PTP4A1: variants seen among roughly 807,000 people sequenced by gnomAD.
The protein encoded by PTP4A1 is protein tyrosine phosphatase 4A1.
PTP4A1 carries 9 observed loss-of-function variants against 20.5 expected under a neutral mutation model. The observed-to-expected ratio is 0.44, with a 90% CI of 0.26 to 0.77. The LOEUF (loss-of-function observed/expected upper bound fraction) is 0.77, where lower values mean the gene tolerates loss of function less well. PTP4A1 is among the 30% of genes least tolerant of loss of function. PTP4A1 has a pLI of 0.19. For missense variants in PTP4A1, 137 were observed against 218.8 expected (o/e 0.63, Z 2.36); for synonymous variants, 78 against 67.4 (o/e 1.16, Z -0.77).
upstream of PTP4A1, among the ~76,000 whole-genome samples, chr6:63,516,837 C>T (rs550801654): frequency 5.3e-5 from 8 of 152,282 alleles, no homozygotes; most frequent in South Asian, 1.5e-3. Context: ...AAGGCAGAAG[C>T]TCCAACAGTT....
At chr6:63,554,277 C>T (rs995117233) in intron 3 of PTP4A1, among the ~76,000 whole-genome samples, 10 of 152,278 alleles carry the variant, frequency 6.6e-5, no homozygotes, top group Middle Eastern at 3.4e-3. Context: ...CTCTCTTAAA[C>T]CTCAAAGTAT....
At chr6:63,579,406 A>G in intron 5 of PTP4A1, 75 bp downstream of exon 5, 1 of 1,039,236 alleles carries the variant, frequency 9.6e-7, no homozygotes, top group South Asian at 1.7e-5. Flanking sequence ...TAATAGTCTA[A>G]TAGCCCATTT....
upstream of PTP4A1, chr6:63,572,431 G>A (rs1777496370): frequency 2.7e-6 from 1 of 369,316 alleles, no homozygotes; most frequent in Non-Finnish European, 4.8e-6. Context: ...GTGGCTGGAG[G>A]GTTGCACGTC....
intron 3 of PTP4A1, among the ~76,000 whole-genome samples, chr6:63,558,468 A>G (rs1228868761): frequency 6.6e-6 from 1 of 152,208 alleles, no homozygotes; most frequent in African/African-American, 2.4e-5. Flanking sequence ...TAAGATTGCC[A>G]TGTCTGTGGC....
intron 1 of PTP4A1, among the ~76,000 whole-genome samples, chr6:63,523,208 T>TCAAAAA (rs1775011634): frequency 6.6e-6 from 1 of 152,088 alleles, no homozygotes; most frequent in Non-Finnish European, 1.5e-5. Flanking sequence ...TTACGAGTCA[T>TCAAAAA]CAAAAACAAC....
chr6:63,578,942 T>C lies in PTP4A1; in HGVS notation c.243T>C (p.Val81=). 6.2e-7 allele frequency: 1 copy of C among 1,602,624 alleles called. No homozygotes were observed. The highest frequency in any genetic ancestry group is 8.5e-7 in the Non-Finnish European group (1 of 1,175,630). ...GTGCACCACCATCCAACCAGATTGT[T>C]GATGACTGGTTAAGTCTTGTGAAAA... is the stretch of plus-strand genomic sequence containing the variant. ...DDGAPPSNQI[V]DDWLSLVKIK... is the part of the protein sequence containing the mutation. The change falls in exon 4 of 6, where the codon GTT becomes GTC. Residue 81 remains valine, a synonymous_variant. Coordinates refer to ENST00000626021, the MANE Select transcript of PTP4A1 (RefSeq NM_003463.5).
intron 2 of PTP4A1, among the ~76,000 whole-genome samples, chr6:63,535,614 A>C (rs1261727289): frequency 1.3e-5 from 2 of 152,236 alleles, no homozygotes; most frequent in Non-Finnish European, 2.9e-5. Flanking sequence ...GAGGTATCGA[A>C]TGTTAATAAA....
At chr6:63,552,113 G>A (rs1392118272) in intron 3 of PTP4A1, among the ~76,000 whole-genome samples, 2 of 152,232 alleles carry the variant, frequency 1.3e-5, no homozygotes, top group South Asian at 4.1e-4. Flanking sequence ...CTGAGGAATC[G>A]CCACACTGAC....
rs545892823 is a variant in PTP4A1, at chr6:63,580,907, A to G, written c.*733A>G. ...ATTTAATGTTTGCACTCTGAGGTGCAACTTAACAGGGAGGGCCTGAGAAAA... is the reference window on the plus strand; with the variant it reads ...ATTTAATGTTTGCACTCTGAGGTGCGACTTAACAGGGAGGGCCTGAGAAAA... On this transcript the variant is annotated 3_prime_UTR_variant, in exon 6 of 6. Transcript: ENST00000626021. 1.3e-5 allele frequency: 2 copies of G among 152,726 alleles called. No homozygotes were observed. Among genetic ancestry groups the G allele is most frequent in the East Asian group, 3.9e-4 (2 of 5,194 alleles). The allele number at this position is 152,726 out of a possible 1,614,324, so 9.5% of individuals were successfully genotyped here.
intron 1 of PTP4A1, among the ~76,000 whole-genome samples, chr6:63,575,173 G>A (rs189494195): frequency 2.7e-3 from 415 of 152,308 alleles, no homozygotes; most frequent in Non-Finnish European, 4.3e-3. Context: ...GGAGCAGATC[G>A]TTTGAATTTT....
chr6:63,540,363 G>A (rs1775906325), intron 2 of PTP4A1, among the ~76,000 whole-genome samples: 2 of 152,174 alleles, frequency 1.3e-5, no homozygotes, highest in Non-Finnish European at 2.9e-5. Context: ...GGTCACACCT[G>A]TAATCCCAGC....
chr6:63,523,966 A>C (rs1276055573), intron 1 of PTP4A1, among the ~76,000 whole-genome samples: 1 of 152,146 alleles, frequency 6.6e-6, no homozygotes, highest in Non-Finnish European at 1.5e-5. Context: ...AAATATTAAA[A>C]AGGTAGAATT....
chr6:63,580,080 G>A lies in PTP4A1; in HGVS notation c.428G>A (p.Ser143Asn). Residue 143 changes from serine (S) to asparagine (N), a missense_variant, in exon 6 of 6, where the codon AGC (serine) becomes AAC (asparagine). Physicochemically the swap from Ser to Asn is conservative, Grantham distance 46 (BLOSUM62 1). Transcript: ENST00000626021. ...AGAAAGCGGCGTGGAGCTTTTAACAGCAAGCAACTTCTGTATTTGGAGAAG... is the reference window on the plus strand; with the variant it reads ...AGAAAGCGGCGTGGAGCTTTTAACAACAAGCAACTTCTGTATTTGGAGAAG... ...IRQKRRGAFN[S>N]KQLLYLEKYR... 1 of 1,610,704 alleles carries A rather than the reference G, an allele frequency of 6.2e-7. No individual in the cohort carries two copies.
At chr6:63,575,091 T>G (rs1002073369) in intron 1 of PTP4A1, among the ~76,000 whole-genome samples, 2 of 152,358 alleles carry the variant, frequency 1.3e-5, no homozygotes, top group Middle Eastern at 6.8e-3. Flanking sequence ...ATAAGAATTA[T>G]TCTTCAAAAT....
chr6:63,522,427 G>A (rs931577567), intron 1 of PTP4A1, among the ~76,000 whole-genome samples: 1 of 152,072 alleles, frequency 6.6e-6, no homozygotes, highest in East Asian at 1.9e-4. Flanking sequence ...TTTCATCAGG[G>A]GACCCTAGTT....
At chr6:63,530,974 A>G (rs1181901585) in intron 2 of PTP4A1, among the ~76,000 whole-genome samples, 2 of 152,176 alleles carry the variant, frequency 1.3e-5, no homozygotes, top group Admixed American at 1.3e-4. Context: ...ATTTGTTTGC[A>G]TTTTAACCTA....
intron 1 of PTP4A1, among the ~76,000 whole-genome samples, chr6:63,523,249 A>C (rs1775013282): frequency 6.6e-6 from 1 of 151,964 alleles, no homozygotes. Flanking sequence ...TGTTTATTTC[A>C]CTATTATGTA....
At chr6:63,548,990 C>T (rs1776318991) in intron 2 of PTP4A1, 1 of 732,232 alleles carries the variant, frequency 1.4e-6, no homozygotes, top group Non-Finnish European at 2.5e-6. Context: ...TTTTATGACA[C>T]AGGGCAGGCA....
In PTP4A1 at chr6:63,578,930, C is replaced by T; in HGVS notation, c.231C>T (p.Ser77=). 6.3e-7 allele frequency: 1 copy of T among 1,593,996 alleles called. No homozygotes were observed. The highest frequency in any genetic ancestry group is 1.9e-4 in the Middle Eastern group (1 of 5,232). The change falls in exon 4 of 6, where the codon TCC becomes TCT. Residue 77 remains serine, a synonymous_variant. Coordinates refer to ENST00000626021, the MANE Select transcript of PTP4A1 (RefSeq NM_003463.5). The part of the protein sequence containing the change: ...DWPFDDGAPP[S]NQIVDDWLSL... ...CTTTTGATGATGGTGCACCACCATC[C>T]AACCAGATTGTTGATGACTGGTTAA...
Sources: gnomAD v4.1 joint callset for allele counts (sites outside exome capture counted in the v4.1 genomes callset) on GRCh38, gnomAD v4.1.1 for gene constraint, MANE v1.5 for transcripts, NCBI Gene and HGNC (gene_info 2026-07-23, HGNC 2026-07-21) for gene names.